Variants in SORCS3 observed in about 807,000 individuals in gnomAD.
SORCS3 encodes the protein sortilin related VPS10 domain containing receptor 3.
SORCS3 carries 57 observed loss-of-function variants against 146.3 expected under a neutral mutation model. The ratio of observed to expected loss-of-function variants is 0.39; its 90% CI spans 0.31 to 0.49. SORCS3 has a LOEUF of 0.49. Ranked by LOEUF, SORCS3 falls within the 20% of genes least tolerant of loss-of-function variation. The pLI is 0.92. For missense variants in SORCS3, 1,341 were observed against 1,575.5 expected, an observed-to-expected ratio of 0.85 and a Z score of 2.52; for synonymous variants, 653 against 618.5, an observed-to-expected ratio of 1.06 and a Z score of -0.83.
chr10:105,234,361 A>G (rs563391901), intron 20 of SORCS3, among the ~76,000 whole-genome samples: 1 of 151,156 alleles, frequency 6.6e-6, no homozygotes, highest in South Asian at 2.1e-4. Context: ...CTAGGTGTAG[A>G]TTTTTCAGCA....
chr10:105,262,425 A>G lies in SORCS3; in HGVS notation c.3538A>G (p.Ile1180Val). The G allele has an allele frequency of 1.9e-6, 3 of 1,613,990 alleles. No individual in the cohort carries two copies. The highest frequency in any genetic ancestry group is 2.5e-6 in the Non-Finnish European group (3 of 1,179,944). The change falls in exon 26 of 27, where the codon ATC becomes GTC. Residue 1180 changes from isoleucine (I) to valine (V), a missense_variant. Transcript: ENST00000369701. ...SVSQSENAPK[I>V]TLSDFTEPEE... ...GAGCCAAAGTGAAAACGCCCCCAAA[A>G]TCACACTCAGTGACTTTACGGAGCC... is the stretch of plus-strand genomic sequence containing the variant.
At position 105,151,216 on chromosome 10, in the gene SORCS3, G is replaced by T. The variant is rs2056165386; in HGVS notation, c.1482+3420G>T. Among the ~76,000 whole-genome samples the T allele has an allele frequency of 2.0e-5, 3 of 152,140 alleles. No homozygotes were observed. The South Asian group carries it at 6.2e-4, about 32-fold the overall frequency. On this transcript the variant is annotated intron_variant, in intron 9 of 26. Transcript: ENST00000369701. ...AGTTTGGCTTAATTATAGACAAATT[G>T]TTGGAAATAAGAAGAGAACCAGAGT...
At chr10:104,760,685 C>T (rs1405500645) in intron 1 of SORCS3, among the ~76,000 whole-genome samples, 2 of 152,114 alleles carry the variant, frequency 1.3e-5, no homozygotes, top group Non-Finnish European at 2.9e-5. Flanking sequence ...GGAAAATTGA[C>T]ATGAGAGGCA....
chr10:104,833,799 C>G (rs1187018517), intron 1 of SORCS3, among the ~76,000 whole-genome samples: 1 of 152,168 alleles, frequency 6.6e-6, no homozygotes, highest in African/African-American at 2.4e-5. Context: ...AGCCTAAACT[C>G]TCTTCTCTGA....
At chr10:105,015,541 A>G (rs1277814040) in intron 4 of SORCS3, among the ~76,000 whole-genome samples, 1 of 152,188 alleles carries the variant, frequency 6.6e-6, no homozygotes, top group Non-Finnish European at 1.5e-5. Flanking sequence ...TGCCATTTTC[A>G]TAAATTTCAG....
At chr10:104,706,073 C>G (rs1024766744) in intron 1 of SORCS3, among the ~76,000 whole-genome samples, 7 of 152,058 alleles carry the variant, frequency 4.6e-5, no homozygotes, top group Non-Finnish European at 1.0e-4. Context: ...GTATGAAAGT[C>G]TCCCTCCTTG....
chr10:105,056,604 G>A (rs530193316), intron 5 of SORCS3, among the ~76,000 whole-genome samples: 1 of 152,108 alleles, frequency 6.6e-6, no homozygotes, highest in African/African-American at 2.4e-5. Flanking sequence ...TTCTTGTGAT[G>A]CTTAAGTGCA....
At chr10:104,801,540 G>A (rs142913988) in intron 1 of SORCS3, among the ~76,000 whole-genome samples, 311 of 152,262 alleles carry the variant, frequency 2.0e-3, no homozygotes, top group Middle Eastern at 0.01. Flanking sequence ...TATCCCTTTT[G>A]AGCCTGTCAC....
intron 13 of SORCS3, among the ~76,000 whole-genome samples, chr10:105,167,974 G>A (rs987312729): frequency 6.6e-6 from 1 of 152,036 alleles, no homozygotes; most frequent in African/African-American, 2.4e-5. Context: ...AAGAGAAATG[G>A]CCAAAATATA....
intron 2 of SORCS3, among the ~76,000 whole-genome samples, chr10:104,881,384 A>G (rs1437535662): frequency 2.6e-5 from 4 of 152,210 alleles, no homozygotes; most frequent in African/African-American, 9.6e-5. Flanking sequence ...CTGGAGGGAA[A>G]AAGTTGGGAA....
At chr10:105,110,595 T>C (rs1214855177) in intron 7 of SORCS3, among the ~76,000 whole-genome samples, 1 of 152,118 alleles carries the variant, frequency 6.6e-6, no homozygotes, top group African/African-American at 2.4e-5. Context: ...TCACTGAGGT[T>C]CTGTATGACT....
intron 1 of SORCS3, among the ~76,000 whole-genome samples, chr10:104,842,116 C>T (rs992175619): frequency 1.3e-5 from 2 of 152,304 alleles, no homozygotes; most frequent in Admixed American, 6.5e-5. Context: ...CTCTCTGATA[C>T]GTCCAGCTTC....
chr10:104,960,028 C>T (rs60346623), intron 3 of SORCS3, among the ~76,000 whole-genome samples: 9,022 of 152,140 alleles, frequency 0.059, 264 homozygotes, highest in African/African-American at 0.074. Flanking sequence ...GCAAGTTGCC[C>T]TTGTTCTGCG....
chr10:104,878,522 CT>C (rs2018599141), intron 2 of SORCS3, among the ~76,000 whole-genome samples: 1 of 152,058 alleles, frequency 6.6e-6, no homozygotes, highest in African/African-American at 2.4e-5. Flanking sequence ...TGTTTATTAT[CT>C]TTAATTGTGT....
At chr10:105,209,143 AT>A (rs369058193) in intron 16 of SORCS3, among the ~76,000 whole-genome samples, 17 of 150,240 alleles carry the variant, frequency 1.1e-4, no homozygotes, top group Admixed American at 6.0e-4. Flanking sequence ...CAATGGGATA[AT>A]TTTTTTTTTC....
intron 1 of SORCS3, among the ~76,000 whole-genome samples, chr10:104,649,008 A>G (rs550218940): frequency 6.6e-6 from 1 of 152,264 alleles, no homozygotes; most frequent in South Asian, 2.1e-4. Flanking sequence ...GAAAGAGAAA[A>G]AACCTTCTTT....
chr10:104,662,496 C>A (rs548620643), intron 1 of SORCS3, among the ~76,000 whole-genome samples: 4 of 152,306 alleles, frequency 2.6e-5, no homozygotes, highest in African/African-American at 7.2e-5. Context: ...GCAAGTCCCA[C>A]GTGGACCATC....
chr10:104,775,421 A>G (rs902300), intron 1 of SORCS3, among the ~76,000 whole-genome samples: 124,079 of 152,190 alleles, frequency 0.82, 51,067 homozygotes, highest in East Asian at 0.94. Flanking sequence ...ATATAAGTCA[A>G]GGGCTTCCTG....
In SORCS3 at chr10:104,978,582, C is replaced by G. The variant is rs1310198416; in HGVS notation, c.954+1089C>G. On this transcript the variant is annotated intron_variant, in intron 4 of 26. Coordinates refer to ENST00000369701, the MANE Select transcript of SORCS3 (RefSeq NM_014978.3). Reference sequence around the variant, plus strand: ...GGAGTATCTTTAATATTTCCTTGTTCTAAACCCACCATCTGTGATCAATCA... The same window carrying G: ...GGAGTATCTTTAATATTTCCTTGTTGTAAACCCACCATCTGTGATCAATCA... Among the ~76,000 whole-genome samples, 5 of 152,266 alleles carry G rather than the reference C, an allele frequency of 3.3e-5. No homozygotes were observed. In the East Asian group the frequency reaches 9.7e-4, roughly 29 times the overall value.
Sources: gnomAD v4.1 joint callset for allele counts (sites outside exome capture counted in the v4.1 genomes callset) on GRCh38, gnomAD v4.1.1 for gene constraint, MANE v1.5 for transcripts, NCBI Gene and HGNC (gene_info 2026-07-23, HGNC 2026-07-21) for gene names.